CNTNAP5: variants seen among roughly 807,000 people sequenced by gnomAD.
CNTNAP5 encodes the protein contactin associated protein family member 5.
Under a neutral mutation model 150.2 loss-of-function variants are expected in CNTNAP5, and 72 were observed. That is an observed-to-expected ratio of 0.48 (90% CI 0.40 to 0.58). CNTNAP5 has a LOEUF of 0.58. CNTNAP5 is among the 20% of genes least tolerant of loss of function. The pLI is 0.00. For synonymous variants in CNTNAP5, 672 were observed against 619.8 expected (o/e 1.08, Z -1.25); for missense variants, 1,636 against 1,626.2 (o/e 1.01, Z -0.10).
intron 3 of CNTNAP5, among the ~76,000 whole-genome samples, chr2:124,404,041 T>G (rs1355421733): frequency 6.6e-6 from 1 of 152,160 alleles, no homozygotes; most frequent in Non-Finnish European, 1.5e-5. Flanking sequence ...GAGCAACATT[T>G]CAAGATGAGA....
rs183182566 is a variant in CNTNAP5 at position 124,536,160 on chromosome 2, G to A, written c.1649+8704G>A. ...GTTCTCCCTTAACTCATGGGATGGG[G>A]CCAAAATCAAAACAAGATCATTTCT... On this transcript the variant is annotated intron_variant, in intron 10 of 23. Transcript: ENST00000682447. 6.6e-5 allele frequency among the ~76,000 whole-genome samples: 10 copies of A among 152,248 alleles called. No individual in the cohort carries two copies. The East Asian group carries it at 1.7e-3, about 27-fold the overall frequency.
intron 3 of CNTNAP5, among the ~76,000 whole-genome samples, chr2:124,378,988 AT>A (rs546054133): frequency 2.4e-4 from 37 of 151,816 alleles, no homozygotes; most frequent in African/African-American, 7.0e-4. Flanking sequence ...ATATTTTCTA[AT>A]TTTTTTTCTA....
At chr2:124,309,721 G>A (rs765383405) in intron 3 of CNTNAP5, among the ~76,000 whole-genome samples, 27 of 152,150 alleles carry the variant, frequency 1.8e-4, no homozygotes, top group Non-Finnish European at 3.1e-4. Flanking sequence ...ATGCTACTAC[G>A]CATGTGATGT....
chr2:124,562,458 C>T (rs968914086), intron 10 of CNTNAP5, among the ~76,000 whole-genome samples: 1 of 152,110 alleles, frequency 6.6e-6, no homozygotes, highest in African/African-American at 2.4e-5. Context: ...TATGTTGATT[C>T]ACCATTATGA....
At chr2:124,056,426 C>T (rs1306568366) in intron 1 of CNTNAP5, among the ~76,000 whole-genome samples, 1 of 152,068 alleles carries the variant, frequency 6.6e-6, no homozygotes, top group East Asian at 1.9e-4. Flanking sequence ...AGATCCAGAA[C>T]ATCCTGCCTA....
At chr2:124,810,920 G>A (rs1001940384) in intron 19 of CNTNAP5, among the ~76,000 whole-genome samples, 16 of 152,014 alleles carry the variant, frequency 1.1e-4, no homozygotes, top group South Asian at 4.1e-4. Flanking sequence ...ATAGCCCCCC[G>A]ATGAAGAATT....
chr2:124,792,171 CT>C (rs372379003), intron 18 of CNTNAP5, among the ~76,000 whole-genome samples: 7 of 152,034 alleles, frequency 4.6e-5, no homozygotes, highest in African/African-American at 1.4e-4. Context: ...GAATTAGGGT[CT>C]TTTTTTCATT....
chr2:124,721,482 AAAAT>A (rs796076753), intron 13 of CNTNAP5, among the ~76,000 whole-genome samples: 28 of 118,848 alleles, frequency 2.4e-4, no homozygotes, highest in South Asian at 1.6e-3. Flanking sequence ...ACTCCATCTC[AAAAT>A]AAATAAATAA....
chr2:124,549,756 T>G (rs1320770137), intron 10 of CNTNAP5, among the ~76,000 whole-genome samples: 2 of 152,262 alleles, frequency 1.3e-5, no homozygotes, highest in African/African-American at 4.8e-5. Flanking sequence ...CGTTTGCATT[T>G]CTTAAAAAAG....
intron 1 of CNTNAP5, among the ~76,000 whole-genome samples, chr2:124,219,045 T>C (rs777581839): frequency 3.9e-5 from 6 of 152,130 alleles, no homozygotes; most frequent in Non-Finnish European, 7.4e-5. Flanking sequence ...ACTTCTACTA[T>C]TCCATGATCA....
At chr2:124,640,100 C>T (rs868786222) in intron 12 of CNTNAP5, among the ~76,000 whole-genome samples, 1 of 152,114 alleles carries the variant, frequency 6.6e-6, no homozygotes, top group African/African-American at 2.4e-5. Context: ...GCTCTGCATA[C>T]ACTAGGTGTC....
intron 3 of CNTNAP5, among the ~76,000 whole-genome samples, chr2:124,264,200 A>C: frequency 6.6e-6 from 1 of 152,152 alleles, no homozygotes; most frequent in East Asian, 1.9e-4. Flanking sequence ...GAAACTTCTG[A>C]GTTGATTCAC....
chr2:124,076,562 T>C (rs1438840758), intron 1 of CNTNAP5, among the ~76,000 whole-genome samples: 2 of 152,272 alleles, frequency 1.3e-5, no homozygotes, highest in South Asian at 2.1e-4. Context: ...ACAAACACTC[T>C]CTTGGTGTCT....
At chr2:124,820,452 T>G (rs1573639132) in intron 19 of CNTNAP5, among the ~76,000 whole-genome samples, 1 of 144,280 alleles carries the variant, frequency 6.9e-6, no homozygotes. Flanking sequence ...TCTCCTCAGG[T>G]GAGGTGGAAA....
At chr2:124,663,693 A>G (rs1234099263) in intron 13 of CNTNAP5, among the ~76,000 whole-genome samples, 2 of 152,178 alleles carry the variant, frequency 1.3e-5, no homozygotes, top group African/African-American at 4.8e-5. Context: ...TCTTGAGTAA[A>G]TGAAGAGAGA....
intron 10 of CNTNAP5, among the ~76,000 whole-genome samples, chr2:124,555,452 G>A (rs1408927009): frequency 6.6e-6 from 1 of 152,146 alleles, no homozygotes; most frequent in Non-Finnish European, 1.5e-5. Flanking sequence ...CCATATCACT[G>A]TATCATTGGA....
At chr2:124,513,021 T>C (rs141454254) in intron 8 of CNTNAP5, among the ~76,000 whole-genome samples, 4 of 152,358 alleles carry the variant, frequency 2.6e-5, no homozygotes, top group Admixed American at 1.3e-4. Context: ...GTGCCTTGTT[T>C]CTTTGGTTTT....
intron 12 of CNTNAP5, among the ~76,000 whole-genome samples, chr2:124,635,809 C>T (rs1404687101): frequency 6.6e-6 from 1 of 152,176 alleles, no homozygotes; most frequent in African/African-American, 2.4e-5. Flanking sequence ...TGCTTGAGAG[C>T]TTTTTCTTAC....
At chr2:124,761,353 G>T (rs1364448723) in intron 14 of CNTNAP5, among the ~76,000 whole-genome samples, 1 of 152,058 alleles carries the variant, frequency 6.6e-6, no homozygotes, top group Non-Finnish European at 1.5e-5. Context: ...CCCCTTGATG[G>T]TTCCATTGCC....
Sources: allele counts gnomAD v4.1 joint callset (sites outside exome capture counted in the v4.1 genomes callset), GRCh38; gene constraint gnomAD v4.1.1; transcripts MANE v1.5; gene names NCBI Gene and HGNC (gene_info 2026-07-23, HGNC 2026-07-21).